The following KRT15 variants were observed in gnomAD, a reference collection of about 807,000 sequenced individuals.
KRT15 encodes the protein keratin, type I cytoskeletal 15.
KRT15 carries 45 observed loss-of-function variants against 46.6 expected under a neutral mutation model. That is an observed-to-expected ratio of 0.97 (90% CI 0.76 to 1.24). KRT15 has a LOEUF of 1.24. Ranked by LOEUF, KRT15 falls within the 50% of genes most tolerant of loss-of-function variation. The probability of loss-of-function intolerance (pLI) is 0.00; values close to 1 mark genes in which losing one functional copy is unlikely to be tolerated. For missense variants in KRT15, 592 were observed against 588.9 expected, an observed-to-expected ratio of 1.01 and a Z score of -0.05; for synonymous variants, 221 against 233.8, an observed-to-expected ratio of 0.95 and a Z score of 0.50.
intron 5 of KRT15, 90 bp downstream of exon 5, chr17:41,515,795 G>A: frequency 1.2e-6 from 2 of 1,605,236 alleles, no homozygotes; most frequent in South Asian, 2.2e-5. Context: ...CACCTCTTGA[G>A]GGGGCTTGAG....
At position 41,518,591 on chromosome 17, in the gene KRT15, TC is replaced by T; in HGVS notation, c.236del (p.Gly79GlufsTer57). On this transcript the variant is annotated frameshift_variant, in exon 1 of 8. Coordinates refer to ENST00000254043, the MANE Select transcript of KRT15 (RefSeq NM_002275.4). LOFTEE classifies it high-confidence loss of function. ...FGGGAGSVFGGGFGGGVGGGF... is the reference protein window; with the variant it reads ...FGGGAGSVFGXGFGGGVGGGF... ...CCCCACCAACGCCCCCTCCAAAGCCTCCACCGAAAACACTACCAGCCCCTCC... is the reference window on the plus strand; with the variant it reads ...CCCCACCAACGCCCCCTCCAAAGCCTCACCGAAAACACTACCAGCCCCTCC... 1 of 1,554,480 alleles carries T rather than the reference TC, an allele frequency of 6.4e-7. No homozygotes were observed. Among genetic ancestry groups the T allele is most frequent in the Non-Finnish European group, 8.7e-7 (1 of 1,155,310 alleles).
rs377160493 is a variant in KRT15, at chr17:41,518,619, C to T, written c.209G>A (p.Gly70Asp). 67 of 1,613,572 alleles carry T rather than the reference C, an allele frequency of 4.2e-5. No individual in the cohort carries two copies. The highest frequency in any genetic ancestry group is 5.4e-5 in the Non-Finnish European group (64 of 1,179,878). The change falls in exon 1 of 8, where the codon GGT (glycine) becomes GAT (aspartate). Residue 70 changes from glycine to aspartate, a missense_variant. Coordinates refer to ENST00000254043, the MANE Select transcript of KRT15 (RefSeq NM_002275.4). ...YGGGMRVCGF[G>D]GGAGSVFGGG... Reference sequence around the variant, plus strand: ...ACCGAAAACACTACCAGCCCCTCCACCAAAGCCACAGACCCTCATGCCACC... The same window carrying T: ...ACCGAAAACACTACCAGCCCCTCCATCAAAGCCACAGACCCTCATGCCACC...
Position 41,518,882 on chromosome 17 carries a change from AG to A in KRT15, c.-56del, listed in dbSNP as rs1905545731. ...AGCAAACCCAAGAGATGCTGGCAGG[AG>A]GTACCAGGCCAGGCTGCACGCTGGG... On this transcript the variant is annotated 5_prime_UTR_variant, in exon 1 of 8. Transcript: ENST00000254043. 21 of 1,517,348 alleles carry A rather than the reference AG, an allele frequency of 1.4e-5. No individual in the cohort carries two copies. The highest frequency in any genetic ancestry group is 1.8e-5 in the Non-Finnish European group (21 of 1,136,432). 94.0% of individuals were successfully genotyped at this position (1,517,348 alleles called of 1,614,324 possible).
Position 41,514,090 on chromosome 17 carries a change from T to TTGC in KRT15, c.1301_1303dup (p.Ser434dup), listed in dbSNP as rs779246507. 32 of 1,614,064 alleles carry TTGC rather than the reference T, an allele frequency of 2.0e-5. No individual in the cohort carries two copies. The South Asian group carries it at 2.7e-4, about 14-fold the overall frequency. On this transcript the variant is annotated inframe_insertion, in exon 8 of 8. Coordinates refer to ENST00000254043, the MANE Select transcript of KRT15 (RefSeq NM_002275.4). ...TGACTCTTCTACATTGATGTGGAAA[T>TTGC]TGCTGCTGCTACCACCACCTCCTGA...
intron 7 of KRT15, 30 bp from the exon 8 acceptor site, chr17:41,514,150 G>A (rs895924375): frequency 5.1e-6 from 8 of 1,563,948 alleles, no homozygotes; most frequent in East Asian, 2.2e-5. Context: ...GCTTTAGAGT[G>A]GGGGAACCTC....
chr17:41,516,329 C>T (rs1399059596), intron 3 of KRT15, 64 bp from the exon 4 acceptor site: 1 of 1,526,164 alleles, frequency 6.6e-7, no homozygotes, highest in African/African-American at 1.4e-5. Flanking sequence ...AGTCTGGCGT[C>T]ACACATGCCA....
rs1366007296 is a variant in KRT15 at position 41,513,923 on chromosome 17, G to T, written c.*100C>A. ...AGGGACCCTTTTCAGCTCTCTGAAG[G>T]CAGGGACTGGAGTTTGCATGTGCAG... On this transcript the variant is annotated 3_prime_UTR_variant, in exon 8 of 8. Coordinates refer to ENST00000254043, the MANE Select transcript of KRT15 (RefSeq NM_002275.4). The T allele has an allele frequency of 2.3e-6, 2 of 864,562 alleles. No homozygotes were observed. 53.6% of individuals were successfully genotyped at this position (864,562 alleles called of 1,614,324 possible).
In KRT15 at chr17:41,516,046, C is replaced by A. The variant is rs751693599; in HGVS notation, c.901-36G>T. 1.9e-6 allele frequency: 3 copies of A among 1,614,122 alleles called. No homozygotes were observed. In the East Asian group the frequency reaches 6.7e-5, roughly 36 times the overall value. ...TGCACAACAGAAGTGAGCCCCGGGG[C>A]CTCCTCGGAGACTCAGGGACCTGGG... On this transcript the variant is annotated intron_variant, in intron 4 of 7. Coordinates refer to ENST00000254043, the MANE Select transcript of KRT15 (RefSeq NM_002275.4).
Position 41,518,439 on chromosome 17 carries a change from T to A in KRT15, c.389A>T (p.Asn130Ile). 1 of 1,614,098 alleles carries A rather than the reference T, an allele frequency of 6.2e-7. No individual in the cohort carries two copies. The highest frequency in any genetic ancestry group is 8.5e-7 in the Non-Finnish European group (1 of 1,180,016). Reference protein sequence around the residue: ...LDKVRALEEANADLEVKIHDW... With the variant: ...LDKVRALEEAIADLEVKIHDW... ...ATGGATCTTCACCTCCAGGTCAGCA[T>A]TGGCCTCCTCCAGGGCACGTACCTT... is the stretch of plus-strand genomic sequence containing the variant. The change falls in exon 1 of 8, where the codon AAT becomes ATT. Residue 130 changes from asparagine to isoleucine, a missense_variant. Physicochemically the swap from Asn to Ile is moderately radical, Grantham distance 149. Transcript: ENST00000254043.
At position 41,515,882 on chromosome 17, in the gene KRT15, T is replaced by C. The variant is rs1194021277; in HGVS notation, c.1026+3A>G. On this transcript the variant is annotated splice_donor_region_variant and intron_variant, in intron 5 of 7. Transcript: ENST00000254043. The stretch of plus-strand genomic sequence containing the variant: ...GGCTGGGATGGGGCGCGAGTGGCCG[T>C]ACCATGCTGAGCTGGGACTGCAGCT... 1.2e-6 allele frequency: 2 copies of C among 1,613,946 alleles called. No homozygotes were observed.
At chr17:41,516,538 T>C (rs970699308) in intron 3 of KRT15, among the ~76,000 whole-genome samples, 1 of 152,170 alleles carries the variant, frequency 6.6e-6, no homozygotes, top group South Asian at 2.1e-4. Flanking sequence ...CCACCTGGGC[T>C]GGCTGTGGGC....
chr17:41,517,203 C>A, intron 1 of KRT15, 38 bp from the exon 2 acceptor site: 1 of 1,544,740 alleles, frequency 6.5e-7, no homozygotes, highest in Non-Finnish European at 8.9e-7. Flanking sequence ...GGACTCCTCT[C>A]TCTCCCCTGC....
rs775035200 is a variant in KRT15, at chr17:41,516,962, T to C, written c.584A>G (p.Tyr195Cys). 1.9e-6 allele frequency: 3 copies of C among 1,614,190 alleles called. No homozygotes were observed. The highest frequency in any genetic ancestry group is 3.3e-5 in the Admixed American group (2 of 60,028). ...CTGGCGCAGGGCCAGCTCATTCTCA[T>C]ACCTGAGGAGAGGGAGGCCAAAGAA... is the stretch of plus-strand genomic sequence containing the variant. ...RLAADDFRLK[Y>C]ENELALRQGV... The change falls in exon 3 of 8, where the codon TAT becomes TGT. Residue 195 changes from tyrosine to cysteine, a missense_variant and splice_region_variant. Tyr to Cys is a radical substitution (Grantham distance 194). Transcript: ENST00000254043.
chr17:41,517,474 G>C (rs560441093), intron 1 of KRT15: 1 of 403,372 alleles, frequency 2.5e-6, no homozygotes, highest in South Asian at 2.4e-5. Flanking sequence ...GAGTGGGGCA[G>C]TGGGGTGCAG....
chr17:41,516,907 G>A lies in KRT15; in HGVS notation c.639C>T (p.Arg213=). Residue 213 remains arginine, a synonymous_variant, in exon 3 of 8, where the codon CGC becomes CGT. Transcript: ENST00000254043. ...QGVEADINGL[R]RVLDELTLAR... ...CCAGGGTCAGCTCATCCAGGACTCG[G>A]CGCAAGCCGTTGATGTCAGCCTCAA... 1.2e-6 allele frequency: 2 copies of A among 1,614,202 alleles called. No homozygotes were observed. Among genetic ancestry groups the A allele is most frequent in the Non-Finnish European group, 1.7e-6 (2 of 1,180,028 alleles).
chr17:41,514,793 T>C (rs897421), intron 6 of KRT15, 119 bp from the exon 7 acceptor site: 944,898 of 948,474 alleles, frequency 1, 470,744 homozygotes, highest in East Asian at 1. Flanking sequence ...CACCCACACA[T>C]CTGACTCCTC....
Position 41,514,031 on chromosome 17 carries a change from C to G in KRT15, c.1363G>C (p.Glu455Gln). ...DGQVVSSHKR[E>Q]I ...TCTCCTGCAATAGACACTTAGATTT[C>G]TCTCTTGTGGGAAGAAACCACCTGT... The change falls in exon 8 of 8, where the codon GAA (glutamate) becomes CAA (glutamine). Residue 455 changes from glutamate (E) to glutamine (Q), a missense_variant. Physicochemically the swap from Glu to Gln is conservative, Grantham distance 29 (BLOSUM62 2). Coordinates refer to ENST00000254043, the MANE Select transcript of KRT15 (RefSeq NM_002275.4). 1 of 1,612,266 alleles carries G rather than the reference C, an allele frequency of 6.2e-7. No homozygotes were observed. The highest frequency in any genetic ancestry group is 8.5e-7 in the Non-Finnish European group (1 of 1,178,316).
Position 41,517,125 on chromosome 17 carries a change from T to C in KRT15, c.539A>G (p.Glu180Gly), listed in dbSNP as rs778375545. 1.2e-6 allele frequency: 2 copies of C among 1,614,156 alleles called. No homozygotes were observed. Among genetic ancestry groups the C allele is most frequent in the East Asian group, 4.5e-5 (2 of 44,872 alleles). The change falls in exon 2 of 8, where the codon GAG (glutamate) becomes GGG (glycine). Residue 180 changes from glutamate to glycine, a missense_variant. Transcript: ENST00000254043. ...CGCAGCCAGCCTGGCATTGTCGATC[T>C]CCAGGATGACCCGGGAGTTGTCGAT... ...TTIDNSRVIL[E>G]IDNARLAADD...
In KRT15 at chr17:41,517,082, C is replaced by T; in HGVS notation, c.581+1G>A. On this transcript the variant is annotated splice_donor_variant, in intron 2 of 7. Transcript: ENST00000254043. LOFTEE classifies it high-confidence loss of function. ...AAGAGGAGAGAGACGGGGGAGCGCA[C>T]TTGAGCCTGAAGTCGTCCGCAGCCA... The T allele has an allele frequency of 6.2e-7, 1 of 1,614,192 alleles. No individual in the cohort carries two copies. The highest frequency in any genetic ancestry group is 8.5e-7 in the Non-Finnish European group (1 of 1,180,026).
Sources: gnomAD v4.1 joint callset for allele counts (sites outside exome capture counted in the v4.1 genomes callset) on GRCh38, gnomAD v4.1.1 for gene constraint, MANE v1.5 for transcripts, NCBI Gene and HGNC (gene_info 2026-07-23, HGNC 2026-07-21) for gene names.